The following VAPB variants were observed in gnomAD, a reference collection of about 807,000 sequenced individuals.
VAPB encodes VAMP associated protein B and C.
VAPB carries 7 observed loss-of-function variants against 25.6 expected under a neutral mutation model. The ratio of observed to expected loss-of-function variants is 0.27; its 90% CI spans 0.16 to 0.51. VAPB has a LOEUF of 0.51. Among genes scored for constraint, VAPB ranks in the 20% least tolerant of loss-of-function variants. The pLI is 0.97. For synonymous variants in VAPB, 112 were observed against 109.2 expected (o/e 1.03, Z -0.16); for missense variants, 266 against 301.3 (o/e 0.88, Z 0.87).
chr20:58,440,987 T>C lies in VAPB; in HGVS notation c.477T>C (p.Ser159=). ...CAATAGTGTCTAAGTCTCTGAGTTCTTCTTTGGATGACACCGAAGTTAAGA... is the reference window on the plus strand; with the variant it reads ...CAATAGTGTCTAAGTCTCTGAGTTCCTCTTTGGATGACACCGAAGTTAAGA... The part of the protein sequence containing the change: ...ETPIVSKSLS[S]SLDDTEVKKV... Residue 159 remains serine, a synonymous_variant, in exon 5 of 6, where the codon TCT becomes TCC. Transcript: ENST00000475243. 1 of 1,613,658 alleles carries C rather than the reference T, an allele frequency of 6.2e-7. No homozygotes were observed. Among genetic ancestry groups the C allele is most frequent in the Non-Finnish European group, 8.5e-7 (1 of 1,179,630 alleles).
chr20:58,405,820 A>T, intron 1 of VAPB, among the ~76,000 whole-genome samples: 1 of 125,612 alleles, frequency 8.0e-6, no homozygotes, highest in South Asian at 2.5e-4. Flanking sequence ...GTGCGATCTC[A>T]CTCGGCTCAC....
At position 58,441,068 on chromosome 20, in the gene VAPB, G is replaced by T; in HGVS notation, c.558G>T (p.Glu186Asp). The T allele has an allele frequency of 6.2e-7, 1 of 1,613,990 alleles. No individual in the cohort carries two copies. Among genetic ancestry groups the T allele is most frequent in the Non-Finnish European group, 8.5e-7 (1 of 1,179,974 alleles). ...GTGAAGTTCAGAGGCTACGGGAGGA[G>T]AACAAGCAGTTCAAGGTAATAGTTT... is the stretch of plus-strand genomic sequence containing the variant. Reference protein sequence around the residue: ...LQGEVQRLREENKQFKEEDGL... With the variant: ...LQGEVQRLREDNKQFKEEDGL... The change falls in exon 5 of 6, where the codon GAG becomes GAT. Residue 186 changes from glutamate to aspartate, a missense_variant. Physicochemically the swap from Glu to Asp is conservative, Grantham distance 45. This residue lies in a region of VAPB where 136 missense variants were observed against 130.7 expected (regional missense o/e 1.04). Coordinates refer to ENST00000475243, the MANE Select transcript of VAPB (RefSeq NM_004738.5).
chr20:58,449,282 G>C lies in VAPB; in HGVS notation c.*5047G>C, dbSNP rs1989376347. The C allele has an allele frequency of 2.2e-6, 1 of 453,618 alleles. No homozygotes were observed. 28.1% of individuals were successfully genotyped at this position (453,618 alleles called of 1,614,324 possible). ...CTCCCTCCATGCCATGTTTTTGGCTGTATCTACGGCACTTAACAATAGGGG... is the reference window on the plus strand; with the variant it reads ...CTCCCTCCATGCCATGTTTTTGGCTCTATCTACGGCACTTAACAATAGGGG... On this transcript the variant is annotated 3_prime_UTR_variant, in exon 6 of 6. Transcript: ENST00000475243.
chr20:58,431,861 C>G (rs1178962268), intron 2 of VAPB, among the ~76,000 whole-genome samples: 3 of 152,120 alleles, frequency 2.0e-5, no homozygotes, highest in African/African-American at 7.2e-5. Context: ...GCCTGGCAGC[C>G]CTTATCTTTT....
chr20:58,448,872 G>T lies in VAPB; in HGVS notation c.*4637G>T, dbSNP rs1313089832. On this transcript the variant is annotated 3_prime_UTR_variant, in exon 6 of 6. Transcript: ENST00000475243. ...CTTTGGGGGCTTTAGAAAGAATATT[G>T]CCAGTCCGTCTCGGCAAGGAGATGA... 2.2e-6 allele frequency: 1 copy of T among 454,062 alleles called. No individual in the cohort carries two copies. Among genetic ancestry groups the T allele is most frequent in the South Asian group, 1.6e-5 (1 of 64,474 alleles). 28.1% of individuals were successfully genotyped at this position (454,062 alleles called of 1,614,324 possible).
intron 2 of VAPB, among the ~76,000 whole-genome samples, chr20:58,423,443 A>AAAAAAAAAC (rs1988716585): frequency 6.9e-6 from 1 of 145,782 alleles, no homozygotes; most frequent in Non-Finnish European, 1.5e-5. Flanking sequence ...AAAAAAAAAA[A>AAAAAAAAAC]AAAAAAGAAA....
chr20:58,413,138 T>C (rs982112707), intron 1 of VAPB, among the ~76,000 whole-genome samples: 1 of 59,298 alleles, frequency 1.7e-5, no homozygotes, highest in Admixed American at 1.4e-4. Flanking sequence ...GTATTTGCCT[T>C]CTTTTTTTTT....
At chr20:58,435,425 C>T (rs1330145958) in intron 3 of VAPB, among the ~76,000 whole-genome samples, 2 of 152,320 alleles carry the variant, frequency 1.3e-5, no homozygotes, top group Admixed American at 1.3e-4. Flanking sequence ...GACAGATGCG[C>T]TTGTCCTTAC....
At chr20:58,398,853 A>G (rs534319159) in intron 1 of VAPB, among the ~76,000 whole-genome samples, 159 of 140,846 alleles carry the variant, frequency 1.1e-3, no homozygotes, top group African/African-American at 4.1e-3. Context: ...TGCAAAGGCT[A>G]TGGCTTTTTT....
rs942365939 is a variant in VAPB at position 58,445,977 on chromosome 20, C to T, written c.*1742C>T. On this transcript the variant is annotated 3_prime_UTR_variant, in exon 6 of 6. Coordinates refer to ENST00000475243, the MANE Select transcript of VAPB (RefSeq NM_004738.5). ...TCACATACGTTGAGCCACGTTGCTC[C>T]TAAGCCTGGCTCTGTCAAGCTGGGT... is the stretch of plus-strand genomic sequence containing the variant. The T allele has an allele frequency of 1.1e-5, 5 of 453,936 alleles. No homozygotes were observed. The Admixed American group carries it at 1.2e-4, about 11-fold the overall frequency. The allele number at this position is 453,936 out of a possible 1,614,324, so 28.1% of individuals were successfully genotyped here.
intron 1 of VAPB, among the ~76,000 whole-genome samples, chr20:58,391,920 C>T (rs930470234): frequency 2.0e-5 from 3 of 152,186 alleles, no homozygotes; most frequent in Non-Finnish European, 2.9e-5. Flanking sequence ...AGAGTCAGAT[C>T]TCAGTCCCTT....
intron 2 of VAPB, among the ~76,000 whole-genome samples, chr20:58,428,662 A>G (rs1278182109): frequency 6.6e-6 from 1 of 152,160 alleles, no homozygotes; most frequent in African/African-American, 2.4e-5. Context: ...GTTAATGGCA[A>G]ACTCTTTTAT....
At position 58,447,526 on chromosome 20, in the gene VAPB, CA is replaced by C; in HGVS notation, c.*3292del. On this transcript the variant is annotated 3_prime_UTR_variant, in exon 6 of 6. Transcript: ENST00000475243. ...AACCTAAACGCTTTCAAACAAATCC[CA>C]GGAACAGAATTGCTATCGAAAGATA... 1 of 454,096 alleles carries C rather than the reference CA, an allele frequency of 2.2e-6. No individual in the cohort carries two copies. The highest frequency in any genetic ancestry group is 4.4e-6 in the Non-Finnish European group (1 of 226,792). 28.1% of individuals were successfully genotyped at this position (454,096 alleles called of 1,614,324 possible).
At chr20:58,426,606 G>C (rs1316072994) in intron 2 of VAPB, among the ~76,000 whole-genome samples, 1 of 152,168 alleles carries the variant, frequency 6.6e-6, no homozygotes, top group Non-Finnish European at 1.5e-5. Flanking sequence ...AGAAATCCAA[G>C]AAGGGCCAGA....
In VAPB at chr20:58,450,626, C is replaced by G. The variant is rs1989424224; in HGVS notation, c.*6391C>G. Reference sequence around the variant, plus strand: ...CTTTCTGAATAAATGGTTTCAGTAACCCATGCTGTTCTCTCCCTATTCTAC... The same window carrying G: ...CTTTCTGAATAAATGGTTTCAGTAAGCCATGCTGTTCTCTCCCTATTCTAC... On this transcript the variant is annotated 3_prime_UTR_variant, in exon 6 of 6. Coordinates refer to ENST00000475243, the MANE Select transcript of VAPB (RefSeq NM_004738.5). 2 of 454,058 alleles carry G rather than the reference C, an allele frequency of 4.4e-6. No individual in the cohort carries two copies. Among genetic ancestry groups the G allele is most frequent in the African/African-American group, 2.0e-5 (1 of 50,094 alleles). The allele number at this position is 454,058 out of a possible 1,614,324, so 28.1% of individuals were successfully genotyped here. A position where few individuals can be genotyped will look rare whatever the true frequency, so the allele number is the denominator to read the frequency against.
intron 4 of VAPB, 177 bp from the exon 5 acceptor site, chr20:58,440,730 G>C: frequency 3.4e-6 from 2 of 584,188 alleles, no homozygotes; most frequent in Non-Finnish European, 5.9e-6. Context: ...GGGCCCTGTT[G>C]CTTTAGATTA....
intron 1 of VAPB, among the ~76,000 whole-genome samples, chr20:58,407,906 T>C (rs944050695): frequency 1.3e-5 from 2 of 152,236 alleles, no homozygotes; most frequent in Non-Finnish European, 2.9e-5. Flanking sequence ...TCATCTGTTA[T>C]ATAAACTGCA....
Position 58,444,436 on chromosome 20 carries a change from TGTATA to T in VAPB, c.*205_*209del, listed in dbSNP as rs1568721795. 1.5e-6 allele frequency: 1 copy of T among 679,478 alleles called. No individual in the cohort carries two copies. Among genetic ancestry groups the T allele is most frequent in the Non-Finnish European group, 2.6e-6 (1 of 382,772 alleles). 42.1% of individuals were successfully genotyped at this position (679,478 alleles called of 1,614,324 possible). A position where few individuals can be genotyped will look rare whatever the true frequency, so the allele number is the denominator to read the frequency against. ...TAACGATCTTTTAGAAAGTTAAAAA[TGTATA>T]GTAACTGATTGAGGGGGAAAAGAAT... On this transcript the variant is annotated 3_prime_UTR_variant, in exon 6 of 6. Coordinates refer to ENST00000475243, the MANE Select transcript of VAPB (RefSeq NM_004738.5).
At chr20:58,427,336 A>G (rs1988816235) in intron 2 of VAPB, among the ~76,000 whole-genome samples, 1 of 151,156 alleles carries the variant, frequency 6.6e-6, no homozygotes, top group South Asian at 2.1e-4. Flanking sequence ...GGCGAAAGTG[A>G]TCCGTGATCT....
Sources: allele counts gnomAD v4.1 joint callset (sites outside exome capture counted in the v4.1 genomes callset), GRCh38; gene constraint gnomAD v4.1.1; regional missense constraint gnomAD v4.1.1; transcripts MANE v1.5; gene names NCBI Gene and HGNC (gene_info 2026-07-23, HGNC 2026-07-21).